Variants in PTPRD observed in about 807,000 individuals in gnomAD.
PTPRD encodes protein tyrosine phosphatase receptor type D.
In PTPRD, 34 loss-of-function variants were observed where a neutral mutation model predicts 214.5. That is an observed-to-expected ratio of 0.16 (90% CI 0.12 to 0.21). The LOEUF is 0.21. PTPRD is among the 10% of genes least tolerant of loss of function. The pLI is 1.00. For missense variants in PTPRD, 2,545 were observed against 2,398.7 expected, an observed-to-expected ratio of 1.06 and a Z score of -1.27; for synonymous variants, 1,128 against 845.7, an observed-to-expected ratio of 1.33 and a Z score of -5.79.
intron 32 of PTPRD, among the ~76,000 whole-genome samples, chr9:8,462,140 G>T (rs1197520029): frequency 6.6e-6 from 1 of 151,908 alleles, no homozygotes; most frequent in Non-Finnish European, 1.5e-5. Flanking sequence ...CTACATATAT[G>T]TTCAAATTAG....
intron 2 of PTPRD, among the ~76,000 whole-genome samples, chr9:10,375,545 T>C (rs1180465070): frequency 6.6e-6 from 1 of 152,010 alleles, no homozygotes. Flanking sequence ...AGCAAAACCA[T>C]GTTAGTATGT....
In PTPRD at chr9:8,888,005, G is replaced by A. The variant is rs138314545; in HGVS notation, c.-104+130692C>T. On this transcript the variant is annotated intron_variant, in intron 11 of 45. Coordinates refer to ENST00000381196, the MANE Select transcript of PTPRD (RefSeq NM_002839.4). ...AAATTCATTATATATACCCACAAAC[G>A]TGGGGATTTTAAATCAAATAGCTGC... is the stretch of plus-strand genomic sequence containing the variant. Among the ~76,000 whole-genome samples, 724 of 152,246 alleles carry A rather than the reference G, an allele frequency of 4.8e-3. 4 individuals carry two copies. Among genetic ancestry groups the A allele is most frequent in the Middle Eastern group, 0.017 (5 of 294 alleles).
At chr9:8,962,663 G>A (rs1024167055) in intron 11 of PTPRD, 2 of 151,876 alleles carry the variant, frequency 1.3e-5, no homozygotes, top group African/African-American at 2.4e-5. Context: ...CTGAATGTGG[G>A]GTACTAAAAT....
chr9:10,461,841 C>G (rs913773261), intron 2 of PTPRD, among the ~76,000 whole-genome samples: 2 of 152,010 alleles, frequency 1.3e-5, no homozygotes, highest in African/African-American at 2.4e-5. Context: ...AGGCTGGTCT[C>G]GAGCTCCTGA....
intron 14 of PTPRD, among the ~76,000 whole-genome samples, chr9:8,615,501 GA>G (rs1219657732): frequency 6.6e-6 from 1 of 151,984 alleles, no homozygotes; most frequent in Non-Finnish European, 1.5e-5. Context: ...GTGTTTTGAG[GA>G]AAGTCACTCC....
At chr9:9,099,123 G>A (rs1219557454) in intron 10 of PTPRD, among the ~76,000 whole-genome samples, 2 of 152,188 alleles carry the variant, frequency 1.3e-5, no homozygotes, top group African/African-American at 2.4e-5. Context: ...GTTTACAAAT[G>A]TGATAAAACC....
intron 21 of PTPRD, among the ~76,000 whole-genome samples, chr9:8,514,526 T>C (rs888319488): frequency 1.1e-5 from 1 of 90,970 alleles, no homozygotes; most frequent in African/African-American, 4.7e-5. Flanking sequence ...ATAAACTTAG[T>C]TTTTTTTTTT....
intron 8 of PTPRD, among the ~76,000 whole-genome samples, chr9:9,424,748 A>T (rs1332447909): frequency 6.6e-6 from 1 of 152,216 alleles, no homozygotes; most frequent in Non-Finnish European, 1.5e-5. Flanking sequence ...GAATTAATAA[A>T]TTTAGGAAGG....
chr9:10,523,622 T>TAGAGAGAGAGAGAGAGAG (rs1555471552), intron 2 of PTPRD, among the ~76,000 whole-genome samples: 1,317 of 131,384 alleles, frequency 0.01, 39 homozygotes, highest in Admixed American at 0.01. Context: ...TATATATATA[T>TAGAGAGAGAGAGAGAGAG]AGACAGAAAG....
intron 9 of PTPRD, among the ~76,000 whole-genome samples, chr9:9,377,311 G>A (rs1265371941): frequency 6.6e-6 from 1 of 152,048 alleles, no homozygotes; most frequent in Non-Finnish European, 1.5e-5. Context: ...AATACGTCTT[G>A]TGCTAATTCT....
At chr9:10,127,389 A>T (rs1457700987) in intron 3 of PTPRD, among the ~76,000 whole-genome samples, 3 of 152,178 alleles carry the variant, frequency 2.0e-5, no homozygotes, top group African/African-American at 7.2e-5. Context: ...TAATTCTACA[A>T]ATTGAATTAA....
At chr9:9,577,565 A>G (rs1432288434) in intron 7 of PTPRD, among the ~76,000 whole-genome samples, 1 of 152,124 alleles carries the variant, frequency 6.6e-6, no homozygotes, top group Non-Finnish European at 1.5e-5. Context: ...CTTGTCTCAA[A>G]AAATAAATAA....
chr9:8,698,926 CATA>C (rs1248259474), intron 12 of PTPRD, among the ~76,000 whole-genome samples: 1 of 151,314 alleles, frequency 6.6e-6, no homozygotes, highest in Non-Finnish European at 1.5e-5. Context: ...CATCTACACC[CATA>C]ATATTATATT....
chr9:10,275,765 G>C (rs117657248), intron 3 of PTPRD, among the ~76,000 whole-genome samples: 2 of 152,142 alleles, frequency 1.3e-5, no homozygotes, highest in Admixed American at 6.5e-5. Context: ...AAATCAGAGA[G>C]ATGCAGCATA....
chr9:10,173,219 A>G (rs1478110947), intron 3 of PTPRD, among the ~76,000 whole-genome samples: 1 of 152,214 alleles, frequency 6.6e-6, no homozygotes, highest in Non-Finnish European at 1.5e-5. Flanking sequence ...TCTTTAGCGT[A>G]TTCTAGTAGT....
chr9:10,198,382 A>C (rs1204110730), intron 3 of PTPRD, among the ~76,000 whole-genome samples: 2 of 152,188 alleles, frequency 1.3e-5, no homozygotes, highest in Non-Finnish European at 2.9e-5. Context: ...CCTGAAAGGA[A>C]GATGGAGTTA....
intron 23 of PTPRD, among the ~76,000 whole-genome samples, 155 bp downstream of exon 23, chr9:8,504,106 C>A (rs962617325): frequency 2.2e-4 from 34 of 152,268 alleles, no homozygotes; most frequent in African/African-American, 7.9e-4. Flanking sequence ...CAAAAGAAGT[C>A]ACAGTTACAC....
chr9:8,342,331 T>C (rs192327730), intron 39 of PTPRD, among the ~76,000 whole-genome samples: 1 of 152,248 alleles, frequency 6.6e-6, no homozygotes, highest in Admixed American at 6.6e-5. Flanking sequence ...ATTTAGAAGA[T>C]AGTTTTATAT....
At chr9:10,154,869 G>C (rs2099083807) in intron 3 of PTPRD, among the ~76,000 whole-genome samples, 1 of 152,116 alleles carries the variant, frequency 6.6e-6, no homozygotes, top group Non-Finnish European at 1.5e-5. Context: ...ATAATTTGAA[G>C]TCAGGTAGCA....
Sources: gnomAD v4.1 joint callset for allele counts (sites outside exome capture counted in the v4.1 genomes callset) on GRCh38, gnomAD v4.1.1 for gene constraint, MANE v1.5 for transcripts, NCBI Gene and HGNC (gene_info 2026-07-23, HGNC 2026-07-21) for gene names.